The following ACVR2A variants were observed in gnomAD, a reference collection of about 807,000 sequenced individuals.
ACVR2A encodes the protein activin receptor type-2A.
In ACVR2A, 7 loss-of-function variants were observed where a neutral mutation model predicts 61.4. The ratio of observed to expected loss-of-function variants is 0.11; its 90% confidence interval spans 0.06 to 0.21. ACVR2A has a LOEUF of 0.21. Ranked by LOEUF, ACVR2A falls within the 10% of genes least tolerant of loss-of-function variation. The pLI, the probability that ACVR2A is intolerant of heterozygous loss-of-function variation, is 1.00. For missense variants in ACVR2A, 322 were observed against 621.7 expected, an observed-to-expected ratio of 0.52 and a Z score of 5.13; for synonymous variants, 193 against 208.3, an observed-to-expected ratio of 0.93 and a Z score of 0.63.
chr2:147,853,959 T>G (rs6747792), intron 1 of ACVR2A, among the ~76,000 whole-genome samples: 21,752 of 152,148 alleles, frequency 0.14, 1,917 homozygotes, highest in Middle Eastern at 0.23. Flanking sequence ...CCAAGATGTA[T>G]TAAATGAATT....
intron 1 of ACVR2A, among the ~76,000 whole-genome samples, chr2:147,893,804 A>C (rs1288654530): frequency 6.6e-6 from 1 of 152,112 alleles, no homozygotes; most frequent in Non-Finnish European, 1.5e-5. Context: ...GTGTTTTGCA[A>C]GTATTTTCTT....
At position 147,928,807 on chromosome 2, in the gene ACVR2A, A is replaced by AAAAGT. The variant is rs1189457734; in HGVS notation, c.*1537_*1541dup. On this transcript the variant is annotated 3_prime_UTR_variant, in exon 11 of 11. Transcript: ENST00000241416. ...TTCTTCCTCAAATTTATACAGGCCA[A>AAAAGT]AAAGTAAAACATTAATTTTCTGAAT... 1 of 152,406 alleles carries AAAAGT rather than the reference A, an allele frequency of 6.6e-6. No homozygotes were observed. The highest frequency in any genetic ancestry group is 1.5e-5 in the Non-Finnish European group (1 of 67,954). The allele number at this position is 152,406 out of a possible 1,614,324, so 9.4% of individuals were successfully genotyped here. A position where few individuals can be genotyped will look rare whatever the true frequency, so the allele number is the denominator to read the frequency against.
chr2:147,845,347 C>A (rs1685281294), intron 1 of ACVR2A, 140 bp downstream of exon 1: 3 of 425,436 alleles, frequency 7.1e-6, no homozygotes, highest in African/African-American at 5.5e-5. Flanking sequence ...CGGCTGCCAC[C>A]GCCCCCCCCC....
At position 147,929,411 on chromosome 2, in the gene ACVR2A, A is replaced by G. The variant is rs1687598530; in HGVS notation, c.*2137A>G. On this transcript the variant is annotated 3_prime_UTR_variant, in exon 11 of 11. Coordinates refer to ENST00000241416, the MANE Select transcript of ACVR2A (RefSeq NM_001616.5). ...AAATAAACAAGGGATATTATGATGA[A>G]TGTTTGGCTTATGTGAGTACTAGAG... 1.3e-5 allele frequency: 2 copies of G among 152,090 alleles called. No individual in the cohort carries two copies. The highest frequency in any genetic ancestry group is 1.3e-4 in the Admixed American group (2 of 15,216). 9.4% of individuals were successfully genotyped at this position (152,090 alleles called of 1,614,324 possible). A position where few individuals can be genotyped will look rare whatever the true frequency, so the allele number is the denominator to read the frequency against.
At chr2:147,912,799 G>GA (rs1223967216) in intron 4 of ACVR2A, among the ~76,000 whole-genome samples, 1 of 151,782 alleles carries the variant, frequency 6.6e-6, no homozygotes, top group East Asian at 1.9e-4. Context: ...TTCCATTTTT[G>GA]AAAAGCTCAT....
chr2:147,881,093 A>C (rs1266892141), intron 1 of ACVR2A, among the ~76,000 whole-genome samples: 1 of 152,176 alleles, frequency 6.6e-6, no homozygotes, highest in Non-Finnish European at 1.5e-5. Flanking sequence ...TTAAAAAGGC[A>C]CAGGGAAGTT....
At chr2:147,893,145 A>C (rs929750560) in intron 1 of ACVR2A, among the ~76,000 whole-genome samples, 3 of 152,172 alleles carry the variant, frequency 2.0e-5, no homozygotes, top group African/African-American at 7.2e-5. Context: ...AATATTATGT[A>C]AATGGAATCA....
At chr2:147,912,837 C>T (rs933134355) in intron 4 of ACVR2A, among the ~76,000 whole-genome samples, 1 of 151,908 alleles carries the variant, frequency 6.6e-6, no homozygotes, top group African/African-American at 2.4e-5. Flanking sequence ...TGAGATTCTA[C>T]AGGAAGACCT....
chr2:147,850,229 G>T (rs1685411154), intron 1 of ACVR2A, among the ~76,000 whole-genome samples: 1 of 151,660 alleles, frequency 6.6e-6, no homozygotes, highest in Non-Finnish European at 1.5e-5. Context: ...CTGCTTGCTT[G>T]TGGAACCCAG....
At chr2:147,850,445 C>G (rs1023106412) in intron 1 of ACVR2A, among the ~76,000 whole-genome samples, 2 of 152,142 alleles carry the variant, frequency 1.3e-5, no homozygotes, top group African/African-American at 4.8e-5. Flanking sequence ...TGCTCTTATT[C>G]TCTTTTTTAA....
At chr2:147,846,253 A>T (rs1685311881) in intron 1 of ACVR2A, among the ~76,000 whole-genome samples, 1 of 151,632 alleles carries the variant, frequency 6.6e-6, no homozygotes, top group African/African-American at 2.4e-5. Context: ...ATTCAGTTAC[A>T]AGCTTGTGGC....
intron 1 of ACVR2A, among the ~76,000 whole-genome samples, chr2:147,853,066 G>A (rs1360134031): frequency 2.0e-5 from 3 of 152,046 alleles, no homozygotes; most frequent in East Asian, 1.9e-4. Flanking sequence ...AAAGCAACTC[G>A]AAGACTAAGG....
At chr2:147,887,515 T>G (rs114747920) in intron 1 of ACVR2A, among the ~76,000 whole-genome samples, 9 of 152,334 alleles carry the variant, frequency 5.9e-5, no homozygotes, top group Non-Finnish European at 1.0e-4. Flanking sequence ...TCTTTCTAAA[T>G]AAAGACGTGT....
At chr2:147,923,547 C>T (rs1049800070) in intron 9 of ACVR2A, among the ~76,000 whole-genome samples, 2 of 152,022 alleles carry the variant, frequency 1.3e-5, no homozygotes, top group Admixed American at 1.3e-4. Context: ...TAAAGGGTTT[C>T]TATTACTTGT....
chr2:147,871,949 A>G (rs778282666), intron 1 of ACVR2A, among the ~76,000 whole-genome samples: 23 of 152,192 alleles, frequency 1.5e-4, no homozygotes, highest in Non-Finnish European at 2.9e-4. Context: ...TAGGAGAAAA[A>G]TAATTTGTTG....
chr2:147,856,355 G>T (rs1183178862), intron 1 of ACVR2A, among the ~76,000 whole-genome samples: 1 of 151,998 alleles, frequency 6.6e-6, no homozygotes, highest in East Asian at 1.9e-4. Context: ...CTTTTCATCT[G>T]GTTTCACTTG....
At chr2:147,911,218 T>C (rs1687102788) in intron 4 of ACVR2A, among the ~76,000 whole-genome samples, 1 of 152,088 alleles carries the variant, frequency 6.6e-6, no homozygotes, top group Non-Finnish European at 1.5e-5. Flanking sequence ...AAATAAATAA[T>C]CATTATTTAA....
intron 1 of ACVR2A, among the ~76,000 whole-genome samples, chr2:147,855,907 A>G (rs1482029986): frequency 1.3e-5 from 2 of 151,890 alleles, no homozygotes; most frequent in African/African-American, 2.4e-5. Context: ...TCAGGTGTCT[A>G]TTTTTTTCAT....
chr2:147,920,173 A>G (rs1423437853), intron 7 of ACVR2A, 57 bp from the exon 8 acceptor site: 1 of 1,217,244 alleles, frequency 8.2e-7, no homozygotes, highest in Non-Finnish European at 1.2e-6. Flanking sequence ...CTTTCAATAA[A>G]AAATTTAAAA....
Sources: gnomAD v4.1 joint callset for allele counts (sites outside exome capture counted in the v4.1 genomes callset) on GRCh38, gnomAD v4.1.1 for gene constraint, MANE v1.5 for transcripts, NCBI Gene and HGNC (gene_info 2026-07-23, HGNC 2026-07-21) for gene names.